MACF1: variants seen among roughly 807,000 people sequenced by gnomAD.
The protein encoded by MACF1 is microtubule-actin cross-linking factor 1.
Under a neutral mutation model 854.8 loss-of-function variants are expected in MACF1, and 193 were observed. The ratio of observed to expected loss-of-function variants is 0.23; its 90% CI spans 0.20 to 0.25. The LOEUF is 0.25. Among genes scored for constraint, MACF1 ranks in the 10% least tolerant of loss-of-function variants. The pLI, the probability that MACF1 is intolerant of heterozygous loss-of-function variation, is 1.00. For synonymous variants in MACF1, 3,185 were observed against 3,226.7 expected, an observed-to-expected ratio of 0.99 and a Z score of 0.44; for missense variants, 7,722 against 8,929.1, an observed-to-expected ratio of 0.86 and a Z score of 5.45.
Position 39,159,761 on chromosome 1 carries a change from G to T in MACF1, c.221-71421G>T, listed in dbSNP as rs941334762. Among the ~76,000 whole-genome samples, 5 of 152,182 alleles carry T rather than the reference G, an allele frequency of 3.3e-5. No individual in the cohort carries two copies. In the East Asian group the frequency reaches 5.8e-4, roughly 18 times the overall value. The stretch of plus-strand genomic sequence containing the variant: ...GTTTTATTTCCATTTGCAGAGGAGG[G>T]TGCTTAAACCATTTTTCTTTCATCA... On this transcript the variant is annotated intron_variant, in intron 2 of 93. Transcript: ENST00000361689.
At chr1:39,282,950 C>T (rs1454719439) in intron 7 of MACF1, among the ~76,000 whole-genome samples, 1 of 152,112 alleles carries the variant, frequency 6.6e-6, no homozygotes, top group Non-Finnish European at 1.5e-5. Flanking sequence ...TTCTAACCGA[C>T]GATATTTTTC....
In MACF1 at chr1:39,336,630, C is replaced by A. The variant is rs758612638; in HGVS notation, c.10042C>A (p.Pro3348Thr). 5 of 1,611,124 alleles carry A rather than the reference C, an allele frequency of 3.1e-6. No individual in the cohort carries two copies. The South Asian group carries it at 5.5e-5, about 18-fold the overall frequency. ...PEGKGNGGVN[P>T]EPFRATQNVF... is the part of the protein sequence containing the mutation. The stretch of plus-strand genomic sequence containing the variant: ...AGGAAAGGGAAATGGAGGTGTAAAC[C>A]CAGAGCCCTTCAGAGCAACTCAGGT... Residue 3348 changes from proline (P) to threonine (T), a missense_variant, in exon 37 of 101, where the codon CCA becomes ACA. By Grantham distance (38) the Pro-to-Thr change is conservative. Around this residue, in one of 15 missense-constraint regions of MACF1, gnomAD observed 854 missense variants for 852.6 expected, o/e 1.00. Coordinates refer to ENST00000564288, the MANE Select transcript of MACF1 (RefSeq NM_001394062.1).
intron 34 of MACF1, 84 bp downstream of exon 34, chr1:39,324,429 G>A: frequency 4.0e-6 from 6 of 1,498,372 alleles, no homozygotes. Flanking sequence ...TCACATGTGG[G>A]CCATTCCAGA....
In MACF1 at chr1:39,123,737, T is replaced by TG. The variant is rs35771671; in HGVS notation, c.220+39300dup. Among the ~76,000 whole-genome samples the TG allele has an allele frequency of 7.5e-5, 11 of 147,096 alleles. No individual in the cohort carries two copies. In the East Asian group the frequency reaches 1.8e-3, roughly 24 times the overall value. On this transcript the variant is annotated intron_variant, in intron 2 of 93. Transcript: ENST00000361689. ...GTTTTGTTTTTTTTTTTTTTTTTTT[T>TG]GTCCGAGGCAGAGTCTTGTTCTGTC...
chr1:39,272,786 T>C (rs1468460665), intron 6 of MACF1, among the ~76,000 whole-genome samples: 2 of 152,226 alleles, frequency 1.3e-5, no homozygotes, highest in Non-Finnish European at 2.9e-5. Context: ...GTACAGTTAA[T>C]ACTTCTTTTG....
intron 40 of MACF1, among the ~76,000 whole-genome samples, chr1:39,345,335 G>A (rs1034086475): frequency 2.0e-5 from 3 of 152,218 alleles, no homozygotes; most frequent in Non-Finnish European, 4.4e-5. Flanking sequence ...TTTAGGCTGG[G>A]CATGGTGGCT....
At chr1:39,384,340 G>C (rs140838770) in intron 56 of MACF1, among the ~76,000 whole-genome samples, 2 of 151,954 alleles carry the variant, frequency 1.3e-5, no homozygotes, top group Non-Finnish European at 2.9e-5. Flanking sequence ...TTGTCATTTC[G>C]TGAGGCTATG....
intron 100 of MACF1, 48 bp downstream of exon 100, chr1:39,484,778 C>G (rs1645073922): frequency 6.2e-7 from 1 of 1,611,468 alleles, no homozygotes; most frequent in Non-Finnish European, 8.5e-7. Context: ...AATTTGGAAA[C>G]AACAGCCTAT....
At chr1:39,394,254 G>GATTT (rs1189184483) in intron 58 of MACF1, among the ~76,000 whole-genome samples, 2 of 148,500 alleles carry the variant, frequency 1.3e-5, no homozygotes, top group Non-Finnish European at 2.9e-5. Flanking sequence ...TTGATTGATT[G>GATTT]ATTGATTGAT....
chr1:39,289,109 T>A lies in MACF1; in HGVS notation c.1785+1547T>A, dbSNP rs1645714413. Among the ~76,000 whole-genome samples, 3 of 152,346 alleles carry A rather than the reference T, an allele frequency of 2.0e-5. No homozygotes were observed. In the South Asian group the frequency reaches 6.2e-4, roughly 32 times the overall value. The stretch of plus-strand genomic sequence containing the variant: ...TGGTTGAATAGTACTCCATTGTGTT[T>A]AAGTACCACATTTTCTTTCTCCATT... On this transcript the variant is annotated intron_variant, in intron 15 of 100. Transcript: ENST00000564288.
chr1:39,381,595 T>C (rs545187461), intron 55 of MACF1, among the ~76,000 whole-genome samples: 1 of 152,148 alleles, frequency 6.6e-6, no homozygotes, highest in South Asian at 2.1e-4. Context: ...CCTTGAACTC[T>C]TGGGCTCAAG....
intron 72 of MACF1, among the ~76,000 whole-genome samples, chr1:39,440,111 C>CTTTTCTTTTCTTTTCTTTTTT (rs1553414036): frequency 7.8e-5 from 5 of 64,516 alleles, no homozygotes; most frequent in African/African-American, 2.7e-4. Context: ...CTTTTCTTTT[C>CTTTTCTTTTCTTTTCTTTTTT]TTTTTTTTTT....
chr1:39,328,089 A>G (rs1646650447), intron 36 of MACF1, among the ~76,000 whole-genome samples: 1 of 152,190 alleles, frequency 6.6e-6, no homozygotes, highest in Non-Finnish European at 1.5e-5. Context: ...GTGATAGTCA[A>G]ATTTGGTCCA....
At chr1:39,123,628 TC>T (rs926134577) in intron 2 of MACF1, among the ~76,000 whole-genome samples, 1 of 149,672 alleles carries the variant, frequency 6.7e-6, no homozygotes, top group Non-Finnish European at 1.5e-5. Context: ...AGCCTCAATC[TC>T]CCCGGGCTCA....
At chr1:39,352,104 C>A (rs1647201520) in intron 43 of MACF1, among the ~76,000 whole-genome samples, 1 of 151,944 alleles carries the variant, frequency 6.6e-6, no homozygotes, top group South Asian at 2.1e-4. Context: ...CTTTGTTTAG[C>A]CTTGGATGCC....
intron 2 of MACF1, among the ~76,000 whole-genome samples, chr1:39,121,386 G>A (rs1642706848): frequency 6.6e-6 from 1 of 152,144 alleles, no homozygotes. Context: ...GGAAGCAAAA[G>A]GGAAGAAGCT....
At chr1:39,310,498 T>C in intron 25 of MACF1, 70 bp downstream of exon 25, 1 of 1,468,336 alleles carries the variant, frequency 6.8e-7, no homozygotes, top group Non-Finnish European at 9.2e-7. Flanking sequence ...TGTGAAACCC[T>C]TCATATAAAT....
chr1:39,231,304 C>G lies in MACF1; in HGVS notation c.171+61C>G, dbSNP rs556409547. 10 of 1,452,460 alleles carry G rather than the reference C, an allele frequency of 6.9e-6. No homozygotes were observed. In the African/African-American group the frequency reaches 1.4e-4, roughly 20 times the overall value. The allele number at this position is 1,452,460 out of a possible 1,614,324, so 90.0% of individuals were successfully genotyped here. Reference sequence around the variant, plus strand: ...TCTCACTGCTCTCATCTGGATCTGTCATTCCTTCTTTCAGATGGTTTAGAT... The same window carrying G: ...TCTCACTGCTCTCATCTGGATCTGTGATTCCTTCTTTCAGATGGTTTAGAT... On this transcript the variant is annotated intron_variant, in intron 2 of 100. Coordinates refer to ENST00000564288, the MANE Select transcript of MACF1 (RefSeq NM_001394062.1).
At chr1:39,370,367 A>G (rs1348685146) in intron 51 of MACF1, among the ~76,000 whole-genome samples, 181 bp downstream of exon 51, 2 of 152,258 alleles carry the variant, frequency 1.3e-5, no homozygotes, top group African/African-American at 4.8e-5. Flanking sequence ...CTTGAGAAGC[A>G]TACACTCTCT....
Sources: allele counts gnomAD v4.1 joint callset (sites outside exome capture counted in the v4.1 genomes callset), GRCh38; gene constraint gnomAD v4.1.1; regional missense constraint gnomAD v4.1.1; transcripts MANE v1.5; gene names NCBI Gene and HGNC (gene_info 2026-07-23, HGNC 2026-07-21).